Variants in CALN1 observed in about 807,000 individuals in gnomAD.
CALN1 encodes calcium-binding protein 8.
A neutral mutation model predicts 30.6 loss-of-function variants in CALN1; 17 were observed. The ratio of observed to expected loss-of-function variants is 0.56; its 90% CI spans 0.38 to 0.83. CALN1 has a LOEUF of 0.83. CALN1 is among the 40% of genes least tolerant of loss of function. The probability of loss-of-function intolerance (pLI) is 0.00; values close to 1 mark genes in which losing one functional copy is unlikely to be tolerated. For missense variants in CALN1, 291 were observed against 354.9 expected (o/e 0.82, Z 1.45); for synonymous variants, 156 against 131.4 (o/e 1.19, Z -1.28).
chr7:71,999,995 T>C (rs1799447384), intron 5 of CALN1, among the ~76,000 whole-genome samples: 2 of 151,502 alleles, frequency 1.3e-5, no homozygotes, highest in African/African-American at 4.9e-5. Context: ...ACCTGGAAAA[T>C]TAATAACACG....
chr7:72,258,902 A>G (rs1796099502), intron 3 of CALN1, among the ~76,000 whole-genome samples: 1 of 132,790 alleles, frequency 7.5e-6, no homozygotes, highest in Non-Finnish European at 1.8e-5. Context: ...AAAAGTAAAA[A>G]AAAAAAAAGA....
chr7:71,841,892 TTGAG>T (rs1490673726), intron 5 of CALN1, among the ~76,000 whole-genome samples: 2 of 152,022 alleles, frequency 1.3e-5, no homozygotes, highest in East Asian at 1.9e-4. Flanking sequence ...AGACTACCTA[TTGAG>T]TATTATGTTC....
intron 2 of CALN1, among the ~76,000 whole-genome samples, chr7:72,309,042 G>A (rs999717811): frequency 6.6e-6 from 1 of 152,182 alleles, no homozygotes; most frequent in Non-Finnish European, 1.5e-5. Flanking sequence ...ATGGAGCACA[G>A]GCCAATTAAA....
intron 3 of CALN1, among the ~76,000 whole-genome samples, chr7:72,237,013 TC>T (rs1289715820): frequency 6.6e-6 from 1 of 151,696 alleles, no homozygotes; most frequent in African/African-American, 2.4e-5. Flanking sequence ...AGATGGAGTT[TC>T]CCTCTTGTTG....
chr7:72,209,826 A>T (rs1792265468), intron 3 of CALN1, among the ~76,000 whole-genome samples: 1 of 152,082 alleles, frequency 6.6e-6, no homozygotes, highest in African/African-American at 2.4e-5. Flanking sequence ...CTCTCAAGCA[A>T]GCATGTTTTC....
intron 5 of CALN1, among the ~76,000 whole-genome samples, chr7:71,964,265 G>T (rs561391847): frequency 6.6e-6 from 1 of 152,172 alleles, no homozygotes; most frequent in African/African-American, 2.4e-5. Flanking sequence ...AGACAGGCAG[G>T]TGTAGGGGTC....
chr7:72,263,289 T>C (rs181378816), intron 3 of CALN1, among the ~76,000 whole-genome samples: 2 of 152,340 alleles, frequency 1.3e-5, no homozygotes, highest in African/African-American at 2.4e-5. Flanking sequence ...CCCTATAAAG[T>C]ATATATTATT....
At chr7:72,054,492 C>CATAT (rs1233791962) in intron 4 of CALN1, among the ~76,000 whole-genome samples, 1 of 96,182 alleles carries the variant, frequency 1.0e-5, no homozygotes, top group Non-Finnish European at 2.2e-5. Context: ...TATATATATA[C>CATAT]ATATATACAT....
At chr7:72,190,210 G>A (rs961264577) in intron 3 of CALN1, among the ~76,000 whole-genome samples, 1 of 152,140 alleles carries the variant, frequency 6.6e-6, no homozygotes, top group Non-Finnish European at 1.5e-5. Context: ...ATACAAATTA[G>A]CTGGGCACGG....
intron 5 of CALN1, among the ~76,000 whole-genome samples, chr7:71,951,406 C>T (rs979715768): frequency 2.0e-5 from 3 of 152,172 alleles, no homozygotes; most frequent in Non-Finnish European, 4.4e-5. Flanking sequence ...GCCTGGCCAA[C>T]ATGGTGAAAC....
intron 1 of CALN1, among the ~76,000 whole-genome samples, chr7:72,443,671 C>T (rs1808429933): frequency 6.6e-6 from 1 of 151,772 alleles, no homozygotes; most frequent in South Asian, 2.1e-4. Flanking sequence ...TCCCAGGATC[C>T]ACTAGACTCA....
At chr7:72,099,964 G>A (rs1013343630) in intron 4 of CALN1, among the ~76,000 whole-genome samples, 2 of 152,004 alleles carry the variant, frequency 1.3e-5, no homozygotes, top group African/African-American at 4.8e-5. Context: ...CATACCAGAT[G>A]CCTGAGCCCT....
At position 72,125,522 on chromosome 7, in the gene CALN1, C is replaced by T. The variant is rs142598767; in HGVS notation, c.245-19228G>A. Among the ~76,000 whole-genome samples, 18 of 152,206 alleles carry T rather than the reference C, an allele frequency of 1.2e-4. 2 individuals carry two copies. The East Asian group carries it at 3.5e-3, about 29-fold the overall frequency. On this transcript the variant is annotated intron_variant, in intron 3 of 6. Coordinates refer to ENST00000395275, the MANE Select transcript of CALN1 (RefSeq NM_031468.4). Reference sequence around the variant, plus strand: ...GTGTATAGAAAAGTGATAAATGCTACAGAAATTTTTTTTAAAAAAATGGAA... The same window carrying T: ...GTGTATAGAAAAGTGATAAATGCTATAGAAATTTTTTTTAAAAAAATGGAA...
In CALN1 at chr7:72,196,386, T is replaced by C. The variant is rs150562375; in HGVS notation, c.244+82300A>G. On this transcript the variant is annotated intron_variant, in intron 3 of 6. Coordinates refer to ENST00000395275, the MANE Select transcript of CALN1 (RefSeq NM_031468.4). ...CACCCTCTCTGGCCTCCCAAAGTGC[T>C]AGAATTACAGGCATGAGCCACCGCT... 3.8e-3 allele frequency among the ~76,000 whole-genome samples: 579 copies of C among 152,340 alleles called. 4 individuals are homozygous for C. The highest frequency in any genetic ancestry group is 0.013 in the African/African-American group (532 of 41,590).
At chr7:72,092,528 G>A (rs547458057) in intron 4 of CALN1, among the ~76,000 whole-genome samples, 1 of 148,966 alleles carries the variant, frequency 6.7e-6, no homozygotes, top group Non-Finnish European at 1.5e-5. Flanking sequence ...AAAGGAATGT[G>A]TAGAGTCTCC....
chr7:72,058,631 T>A (rs189840138), intron 4 of CALN1, among the ~76,000 whole-genome samples: 1 of 152,230 alleles, frequency 6.6e-6, no homozygotes, highest in East Asian at 1.9e-4. Context: ...CAAGCTGGAA[T>A]CTTTAGAGAA....
chr7:71,867,469 T>C (rs999940896), intron 5 of CALN1, among the ~76,000 whole-genome samples: 10 of 151,960 alleles, frequency 6.6e-5, no homozygotes, highest in African/African-American at 2.4e-4. Flanking sequence ...AGAGTCTAGC[T>C]CTGTCTCCAG....
rs564932240 is a variant in CALN1, at chr7:72,393,381, G to A, written c.119+9870C>T. On this transcript the variant is annotated intron_variant, in intron 2 of 6. Coordinates refer to ENST00000395275, the MANE Select transcript of CALN1 (RefSeq NM_031468.4). ...CGGGAGGCTGAGGCAGGAGAATGGCGTGAACCTGGGAGGCAGAGCTTGCAG... is the reference window on the plus strand; with the variant it reads ...CGGGAGGCTGAGGCAGGAGAATGGCATGAACCTGGGAGGCAGAGCTTGCAG... 4.6e-5 allele frequency among the ~76,000 whole-genome samples: 7 copies of A among 152,132 alleles called. No individual in the cohort carries two copies. The South Asian group carries it at 1.0e-3, about 23-fold the overall frequency.
chr7:71,829,605 CT>C (rs1307844928), intron 5 of CALN1, among the ~76,000 whole-genome samples: 1 of 152,168 alleles, frequency 6.6e-6, no homozygotes, highest in African/African-American at 2.4e-5. Flanking sequence ...ACAGGGTAGG[CT>C]GTGGTTTGCT....
Sources: allele counts gnomAD v4.1 joint callset (sites outside exome capture counted in the v4.1 genomes callset), GRCh38; gene constraint gnomAD v4.1.1; transcripts MANE v1.5; gene names NCBI Gene and HGNC (gene_info 2026-07-23, HGNC 2026-07-21).